Variants in AKAP8L observed in about 807,000 individuals in gnomAD.
The protein encoded by AKAP8L is A-kinase anchor protein 8-like.
A neutral mutation model predicts 77.5 loss-of-function variants in AKAP8L; 34 were observed. The ratio of observed to expected loss-of-function variants is 0.44; its 90% CI spans 0.33 to 0.58. The LOEUF is 0.58. Among genes scored for constraint, AKAP8L ranks in the 20% least tolerant of loss-of-function variants. The pLI is 0.02. For synonymous variants in AKAP8L, 342 were observed against 340.7 expected, an observed-to-expected ratio of 1.00 and a Z score of -0.04; for missense variants, 806 against 887.6, an observed-to-expected ratio of 0.91 and a Z score of 1.17.
chr19:15,390,733 A>G (rs1967643307), intron 12 of AKAP8L, among the ~76,000 whole-genome samples: 1 of 152,214 alleles, frequency 6.6e-6, no homozygotes. Context: ...ATGACCAAGC[A>G]GGATATATCC....
chr19:15,405,260 G>A (rs907284859), intron 2 of AKAP8L, among the ~76,000 whole-genome samples: 19 of 152,236 alleles, frequency 1.2e-4, no homozygotes, highest in African/African-American at 4.6e-4. Flanking sequence ...AAGGCTGGGT[G>A]CAGTGGCTCA....
Position 15,401,591 on chromosome 19 carries a change from A to G in AKAP8L, c.375T>C (p.Tyr125=), listed in dbSNP as rs1466193001. ...YGSGGERYDS[Y]ESCDSRAVLS... ...GGACGGCCCTCGAGTCGCAGGACTC[A>G]TAAGAGTCATACCTGCAGAGGCATG... is the stretch of plus-strand genomic sequence containing the variant. Residue 125 remains tyrosine, a synonymous_variant, in exon 5 of 14, where the codon TAT becomes TAC. Coordinates refer to ENST00000397410, the MANE Select transcript of AKAP8L (RefSeq NM_014371.4). This position sits in a 1 kb window ranked among gnomAD's most constrained non-coding sequence, Gnocchi z 6.2. The G allele has an allele frequency of 3.1e-6, 5 of 1,595,578 alleles. No homozygotes were observed. Among genetic ancestry groups the G allele is most frequent in the African/African-American group, 1.3e-5 (1 of 74,554 alleles).
chr19:15,393,619 T>C (rs1967708894), intron 12 of AKAP8L, among the ~76,000 whole-genome samples: 1 of 151,974 alleles, frequency 6.6e-6, no homozygotes, highest in Non-Finnish European at 1.5e-5. Context: ...CTAGGATGAC[T>C]AGATCAAAAA....
intron 8 of AKAP8L, chr19:15,400,094 C>G: frequency 1.6e-6 from 1 of 614,564 alleles, no homozygotes. Context: ...CCATCCACAG[C>G]CTCCGCCTGG....
At chr19:15,418,782 G>T in intron 1 of AKAP8L, 129 bp downstream of exon 1, 1 of 885,866 alleles carries the variant, frequency 1.1e-6, no homozygotes, top group Non-Finnish European at 1.7e-6. Flanking sequence ...CGGGCCAGCG[G>T]CGCCATTTTG....
At chr19:15,394,425 G>T (rs1035302680) in intron 12 of AKAP8L, among the ~76,000 whole-genome samples, 1 of 152,190 alleles carries the variant, frequency 6.6e-6, no homozygotes, top group Admixed American at 6.5e-5. Flanking sequence ...CAAGAGGTTG[G>T]GGGGGCTGAT....
chr19:15,381,350 G>A (rs1166217085), intron 12 of AKAP8L, among the ~76,000 whole-genome samples: 1 of 152,118 alleles, frequency 6.6e-6, no homozygotes, highest in African/African-American at 2.4e-5. Flanking sequence ...CTTCAAATCG[G>A]GCTCATCTCT....
At chr19:15,395,471 C>T (rs1485085630) in intron 12 of AKAP8L, among the ~76,000 whole-genome samples, 3 of 151,368 alleles carry the variant, frequency 2.0e-5, no homozygotes, top group Non-Finnish European at 4.4e-5. Flanking sequence ...CCCGCCATCA[C>T]GCCCAGCTAA....
Position 15,410,611 on chromosome 19 carries a change from T to C in AKAP8L, c.14-17A>G, listed in dbSNP as rs1290881597. On this transcript the variant is annotated splice_polypyrimidine_tract_variant and intron_variant, in intron 1 of 13. Coordinates refer to ENST00000397410, the MANE Select transcript of AKAP8L (RefSeq NM_014371.4). ...GGACAAAGCCTAAACATAAAGACAG[T>C]GGGGTTAATTTCCACAAGCAAGTCA... 1 of 1,572,988 alleles carries C rather than the reference T, an allele frequency of 6.4e-7. No individual in the cohort carries two copies. Among genetic ancestry groups the C allele is most frequent in the Non-Finnish European group, 8.6e-7 (1 of 1,157,140 alleles).
chr19:15,409,109 C>CA lies in AKAP8L; in HGVS notation c.88+1410dup, dbSNP rs201638135. 6.0e-3 allele frequency among the ~76,000 whole-genome samples: 911 copies of CA among 152,062 alleles called. 11 individuals carry two copies. The highest frequency in any genetic ancestry group is 0.02 in the Middle Eastern group (6 of 294). ...ATTACAGATTTCTTAGATATAAAAG[C>CA]AAAACCATCATCTATTAAAGAAAAG... On this transcript the variant is annotated intron_variant, in intron 2 of 13. Coordinates refer to ENST00000397410, the MANE Select transcript of AKAP8L (RefSeq NM_014371.4).
In AKAP8L at chr19:15,395,983, C is replaced by CAAAAAAA. The variant is rs751904092; in HGVS notation, c.1536+1160_1536+1166dup. Among the ~76,000 whole-genome samples the CAAAAAAA allele has an allele frequency of 1.9e-3, 78 of 40,416 alleles. 2 individuals carry two copies. Among genetic ancestry groups the CAAAAAAA allele is most frequent in the African/African-American group, 2.9e-3 (31 of 10,734 alleles). The allele number at this position is 40,416 out of a possible 152,430, so 26.5% of individuals were successfully genotyped here. A position where few individuals can be genotyped will look rare whatever the true frequency, so the allele number is the denominator to read the frequency against. Reference sequence around the variant, plus strand: ...TGGGCGACAGAGCGAGACTCCGTCTCAAAAAAAAAAAAAAAAAAAGAATCT... The same window carrying CAAAAAAA: ...TGGGCGACAGAGCGAGACTCCGTCTCAAAAAAAAAAAAAAAAAAAAAAAAAAGAATCT... On this transcript the variant is annotated intron_variant, in intron 12 of 13. Transcript: ENST00000397410.
intron 12 of AKAP8L, among the ~76,000 whole-genome samples, chr19:15,385,776 T>C (rs1408720943): frequency 2.0e-5 from 3 of 151,934 alleles, no homozygotes; most frequent in South Asian, 4.2e-4. Flanking sequence ...TTATTTTTAA[T>C]TTTATAGACA....
intron 2 of AKAP8L, among the ~76,000 whole-genome samples, chr19:15,408,579 AG>A (rs766411056): frequency 8.0e-3 from 136 of 17,052 alleles, no homozygotes; most frequent in Admixed American, 0.039. Context: ...AAAAAAAAAA[AG>A]AAAGAAAGAA....
At chr19:15,408,431 C>T (rs912426131) in intron 2 of AKAP8L, among the ~76,000 whole-genome samples, 7 of 152,060 alleles carry the variant, frequency 4.6e-5, no homozygotes, top group African/African-American at 1.7e-4. Context: ...GGCGTGGTGG[C>T]ACATGCCTGT....
rs781041314 is a variant in AKAP8L, at chr19:15,400,299, C to T, written c.1044G>A (p.Glu348=). 1 of 1,613,962 alleles carries T rather than the reference C, an allele frequency of 6.2e-7. No individual in the cohort carries two copies. The highest frequency in any genetic ancestry group is 1.1e-5 in the South Asian group (1 of 91,088). The change falls in exon 8 of 14, where the codon GAG becomes GAA. Residue 348 remains glutamate, a synonymous_variant. Coordinates refer to ENST00000397410, the MANE Select transcript of AKAP8L (RefSeq NM_014371.4). Reference sequence around the variant, plus strand: ...AGGCACCCCAGGAAAACTCACCCTTCTCTGGATCCTCTTTGCCTTCTTCTC... The same window carrying T: ...AGGCACCCCAGGAAAACTCACCCTTTTCTGGATCCTCTTTGCCTTCTTCTC... The part of the protein sequence containing the change: ...DGREEGKEDP[E]KGALTTQDEN...
chr19:15,418,021 GC>G (rs766301157), intron 1 of AKAP8L, among the ~76,000 whole-genome samples: 7 of 152,216 alleles, frequency 4.6e-5, no homozygotes, highest in Non-Finnish European at 8.8e-5. Context: ...AACAAGCCAG[GC>G]AGTTCCTGCC....
At chr19:15,413,045 T>G (rs950931828) in intron 1 of AKAP8L, among the ~76,000 whole-genome samples, 1 of 152,222 alleles carries the variant, frequency 6.6e-6, no homozygotes, top group Non-Finnish European at 1.5e-5. Context: ...AGTGTCTCTA[T>G]TTTATCTCTT....
Position 15,399,506 on chromosome 19 carries a change from G to A in AKAP8L, c.1049-96C>T. 5 of 900,586 alleles carry A rather than the reference G, an allele frequency of 5.6e-6. No homozygotes were observed. Among genetic ancestry groups the A allele is most frequent in the Non-Finnish European group, 9.2e-6 (5 of 544,496 alleles). 55.8% of individuals were successfully genotyped at this position (900,586 alleles called of 1,614,324 possible). ...TGAATCACCCACTGTCCACTCCAGA[G>A]GGTCCATCGAGAATAGCTGTCCAAG... is the stretch of plus-strand genomic sequence containing the variant. On this transcript the variant is annotated intron_variant, in intron 8 of 13. Coordinates refer to ENST00000397410, the MANE Select transcript of AKAP8L (RefSeq NM_014371.4). This position sits in a 1 kb window ranked among gnomAD's most constrained non-coding sequence, Gnocchi z 6.1.
chr19:15,414,876 G>C (rs779809739), intron 1 of AKAP8L, among the ~76,000 whole-genome samples: 2 of 152,192 alleles, frequency 1.3e-5, no homozygotes, highest in African/African-American at 2.4e-5. Context: ...ACTGCTCACT[G>C]TGGCCTCAGC....
Sources: allele counts gnomAD v4.1 joint callset (sites outside exome capture counted in the v4.1 genomes callset), GRCh38; gene constraint gnomAD v4.1.1; non-coding constraint Gnocchi (gnomAD v3.1); transcripts MANE v1.5; gene names NCBI Gene and HGNC (gene_info 2026-07-23, HGNC 2026-07-21).